KHDRBS2: variants seen among roughly 807,000 people sequenced by gnomAD.
The protein encoded by KHDRBS2 is KH domain-containing, RNA-binding, signal transduction-associated protein 2.
A neutral mutation model predicts 44.3 loss-of-function variants in KHDRBS2; 26 were observed. The observed-to-expected ratio is 0.59, with a 90% confidence interval of 0.43 to 0.81. The LOEUF is 0.81. Among genes scored for constraint, KHDRBS2 ranks in the 40% least tolerant of loss-of-function variants. The pLI is 0.00. For synonymous variants in KHDRBS2, 194 were observed against 151.1 expected (o/e 1.28, Z -2.08); for missense variants, 476 against 433.1 (o/e 1.10, Z -0.88).
At chr6:61,792,255 G>C (rs1346120002) in intron 6 of KHDRBS2, among the ~76,000 whole-genome samples, 2 of 151,004 alleles carry the variant, frequency 1.3e-5, no homozygotes, top group East Asian at 3.9e-4. Flanking sequence ...TATGCTGCTG[G>C]TTTTTATATT....
At chr6:61,706,161 C>G (rs1349408054) in intron 7 of KHDRBS2, among the ~76,000 whole-genome samples, 1 of 151,798 alleles carries the variant, frequency 6.6e-6, no homozygotes, top group Non-Finnish European at 1.5e-5. Context: ...CATTGATCAC[C>G]ACCCAGCCCT....
At chr6:61,716,527 G>C (rs1253739623) in intron 7 of KHDRBS2, among the ~76,000 whole-genome samples, 3 of 151,946 alleles carry the variant, frequency 2.0e-5, no homozygotes, top group Non-Finnish European at 2.9e-5. Flanking sequence ...TCTTGGGGAG[G>C]AAAAGATAAC....
intron 1 of KHDRBS2, among the ~76,000 whole-genome samples, chr6:62,188,810 T>C (rs1000283269): frequency 6.6e-6 from 1 of 152,112 alleles, no homozygotes; most frequent in African/African-American, 2.4e-5. Flanking sequence ...TTTCACTCTT[T>C]CTCTTAGAAA....
the KHDRBS2 span, among the ~76,000 whole-genome samples, chr6:61,594,968 A>G: frequency 6.6e-6 from 1 of 152,114 alleles, no homozygotes; most frequent in East Asian, 1.9e-4. Flanking sequence ...ATCTTCACCA[A>G]GAGAAGAGAC....
intron 6 of KHDRBS2, among the ~76,000 whole-genome samples, chr6:61,835,653 C>A (rs1583076836): frequency 6.6e-6 from 1 of 151,266 alleles, no homozygotes; most frequent in East Asian, 1.9e-4. Flanking sequence ...TCATTGACAT[C>A]ATTTACAGAT....
intron 2 of KHDRBS2, among the ~76,000 whole-genome samples, chr6:62,169,128 C>CATAT (rs1210209020): frequency 1.1e-4 from 13 of 116,674 alleles, no homozygotes; most frequent in Non-Finnish European, 1.9e-4. Context: ...TGTATATATA[C>CATAT]ATATACACAC....
intron 5 of KHDRBS2, 150 bp downstream of exon 5, chr6:61,901,094 C>T: frequency 1.4e-6 from 1 of 705,176 alleles, no homozygotes. Context: ...CTCTTCTGTG[C>T]CTGATAAGCT....
At chr6:61,897,564 G>A (rs912653563) in intron 5 of KHDRBS2, among the ~76,000 whole-genome samples, 2 of 152,038 alleles carry the variant, frequency 1.3e-5, no homozygotes, top group Non-Finnish European at 1.5e-5. Context: ...CTTCTCCAAC[G>A]TTTAATTGGC....
At chr6:62,099,842 G>A (rs1801458505) in intron 2 of KHDRBS2, among the ~76,000 whole-genome samples, 1 of 152,196 alleles carries the variant, frequency 6.6e-6, no homozygotes, top group Non-Finnish European at 1.5e-5. Context: ...TGATGGAGAT[G>A]TGCGGGGATA....
rs1335873094 is a variant in KHDRBS2, at chr6:61,773,210, C to T, written c.811-40446G>A. On this transcript the variant is annotated intron_variant, in intron 6 of 8. Coordinates refer to ENST00000281156, the MANE Select transcript of KHDRBS2 (RefSeq NM_152688.4). Reference sequence around the variant, plus strand: ...TTCTAGTTCTAGATCCCTGAGGAATCGCCACACTGACTTCCACAATGGTTG... The same window carrying T: ...TTCTAGTTCTAGATCCCTGAGGAATTGCCACACTGACTTCCACAATGGTTG... 2.5e-4 allele frequency among the ~76,000 whole-genome samples: 38 copies of T among 152,188 alleles called. No homozygotes were observed. The South Asian group carries it at 3.1e-3, about 12-fold the overall frequency.
At chr6:62,162,857 A>G (rs963777144) in intron 2 of KHDRBS2, among the ~76,000 whole-genome samples, 1 of 152,082 alleles carries the variant, frequency 6.6e-6, no homozygotes, top group African/African-American at 2.4e-5. Context: ...TTTTGACATG[A>G]CCAAGTAAAA....
intron 1 of KHDRBS2, among the ~76,000 whole-genome samples, chr6:62,224,407 G>GGTGT (rs368449080): frequency 6.6e-6 from 1 of 151,628 alleles, no homozygotes; most frequent in African/African-American, 2.4e-5. Flanking sequence ...CATATCAGTG[G>GGTGT]GTGTGTGTGT....
intron 1 of KHDRBS2, among the ~76,000 whole-genome samples, chr6:62,204,760 T>G (rs1173009035): frequency 1.3e-5 from 2 of 152,154 alleles, no homozygotes; most frequent in Non-Finnish European, 1.5e-5. Flanking sequence ...GTACCAGAAC[T>G]CCAGTGTATA....
At chr6:61,850,352 T>G (rs1217030030) in intron 6 of KHDRBS2, among the ~76,000 whole-genome samples, 3 of 152,104 alleles carry the variant, frequency 2.0e-5, no homozygotes, top group Non-Finnish European at 4.4e-5. Context: ...TAACTAATTG[T>G]AGATGCCTAG....
intron 6 of KHDRBS2, among the ~76,000 whole-genome samples, chr6:61,832,425 T>A (rs1486492970): frequency 6.6e-6 from 1 of 152,108 alleles, no homozygotes; most frequent in East Asian, 1.9e-4. Flanking sequence ...TTCAAGTAAC[T>A]TCAAAAGTGC....
chr6:61,737,335 G>A (rs1775521570), intron 6 of KHDRBS2, among the ~76,000 whole-genome samples: 2 of 151,990 alleles, frequency 1.3e-5, no homozygotes, highest in South Asian at 2.1e-4. Flanking sequence ...CTGTAAAAGG[G>A]ACAGTAAATG....
At chr6:61,697,333 A>G (rs1341229402) in intron 7 of KHDRBS2, 80 bp from the exon 8 acceptor site, 1 of 849,358 alleles carries the variant, frequency 1.2e-6, no homozygotes, top group Non-Finnish European at 2.1e-6. Context: ...TTTGAAGGCA[A>G]AATGTGTGCT....
chr6:61,764,047 T>G (rs1779644658), intron 6 of KHDRBS2, among the ~76,000 whole-genome samples: 1 of 152,170 alleles, frequency 6.6e-6, no homozygotes, highest in African/African-American at 2.4e-5. Flanking sequence ...GTTCTCATTG[T>G]TCAGTTCCCA....
chr6:61,565,296 C>A, the KHDRBS2 span, among the ~76,000 whole-genome samples: 1 of 151,900 alleles, frequency 6.6e-6, no homozygotes, highest in African/African-American at 2.4e-5. Context: ...CACAGGCAAT[C>A]AAAGCAAAAA....
Sources: allele counts gnomAD v4.1 joint callset (sites outside exome capture counted in the v4.1 genomes callset), GRCh38; gene constraint gnomAD v4.1.1; transcripts MANE v1.5; gene names NCBI Gene and HGNC (gene_info 2026-07-23, HGNC 2026-07-21).